KCNK10: variants seen among roughly 807,000 people sequenced by gnomAD.
The protein encoded by KCNK10 is potassium channel subfamily K member 10.
A neutral mutation model predicts 47.7 loss-of-function variants in KCNK10; 25 were observed. The ratio of observed to expected loss-of-function variants is 0.52; its 90% confidence interval spans 0.38 to 0.73. KCNK10 has a LOEUF of 0.73. Among genes scored for constraint, KCNK10 ranks in the 30% least tolerant of loss-of-function variants. The pLI is 0.00. For missense variants in KCNK10, 563 were observed against 714.5 expected (o/e 0.79, Z 2.42); for synonymous variants, 303 against 285.6 (o/e 1.06, Z -0.61).
At chr14:88,291,108 CA>C (rs1887866615) in intron 1 of KCNK10, among the ~76,000 whole-genome samples, 1 of 152,180 alleles carries the variant, frequency 6.6e-6, no homozygotes. Flanking sequence ...ATGAAGAAGC[CA>C]AACACTGCAG....
chr14:88,326,397 T>G (rs1354813154), upstream of KCNK10: 1 of 1,609,306 alleles, frequency 6.2e-7, no homozygotes, highest in East Asian at 2.2e-5. Context: ...CTTTGGTTAT[T>G]TACAAGCTGG....
intron 1 of KCNK10, among the ~76,000 whole-genome samples, chr14:88,290,179 C>A (rs537493311): frequency 2.6e-5 from 4 of 152,090 alleles, no homozygotes; most frequent in African/African-American, 7.2e-5. Context: ...CTGGGTGGGT[C>A]CAGTGTAATC....
intron 3 of KCNK10, among the ~76,000 whole-genome samples, chr14:88,237,688 T>C (rs1278716363): frequency 6.6e-6 from 1 of 152,212 alleles, no homozygotes; most frequent in African/African-American, 2.4e-5. Flanking sequence ...AACAGAACTA[T>C]TTTGAAAGGA....
intron 1 of KCNK10, among the ~76,000 whole-genome samples, chr14:88,266,099 T>A (rs1212435631): frequency 6.6e-6 from 1 of 152,196 alleles, no homozygotes; most frequent in African/African-American, 2.4e-5. Context: ...GCAGGCACCC[T>A]GTCTACCCCT....
chr14:88,187,934 A>C, intron 6 of KCNK10, 33 bp downstream of exon 6: 1 of 1,612,628 alleles, frequency 6.2e-7, no homozygotes, highest in Non-Finnish European at 8.5e-7. Context: ...ATCTGTTCTC[A>C]GGAACATTCA....
chr14:88,227,262 T>G, intron 4 of KCNK10, 113 bp downstream of exon 4: 3 of 881,966 alleles, frequency 3.4e-6, no homozygotes, highest in Non-Finnish European at 5.0e-6. Flanking sequence ...ATCATAACAT[T>G]AAAATTATTC....
chr14:88,235,632 T>G (rs1190247908), intron 3 of KCNK10, among the ~76,000 whole-genome samples: 1 of 152,034 alleles, frequency 6.6e-6, no homozygotes, highest in Non-Finnish European at 1.5e-5. Context: ...ACAGGCATTG[T>G]GGAAAACATA....
At chr14:88,309,673 C>T (rs1344131072) in intron 1 of KCNK10, among the ~76,000 whole-genome samples, 3 of 152,144 alleles carry the variant, frequency 2.0e-5, no homozygotes, top group African/African-American at 7.2e-5. Flanking sequence ...ATAAGCATCA[C>T]TGTTGAATAA....
intron 3 of KCNK10, among the ~76,000 whole-genome samples, chr14:88,229,398 T>A (rs1035701899): frequency 2.0e-5 from 3 of 152,040 alleles, no homozygotes; most frequent in Non-Finnish European, 4.4e-5. Flanking sequence ...CATCTGCAAA[T>A]CCTAGTGTCA....
intron 4 of KCNK10, among the ~76,000 whole-genome samples, chr14:88,203,103 T>G (rs1215823989): frequency 1.3e-5 from 2 of 152,102 alleles, no homozygotes; most frequent in African/African-American, 2.4e-5. Flanking sequence ...TGGAAGCCAT[T>G]CCAGGGATGG....
intron 4 of KCNK10, among the ~76,000 whole-genome samples, chr14:88,210,420 AG>A (rs1885416930): frequency 6.6e-6 from 1 of 152,296 alleles, no homozygotes; most frequent in South Asian, 2.1e-4. Flanking sequence ...TTGTTTATCA[AG>A]TTGACCTAGC....
intron 1 of KCNK10, among the ~76,000 whole-genome samples, chr14:88,290,922 T>A (rs1887861752): frequency 6.6e-6 from 1 of 152,160 alleles, no homozygotes; most frequent in South Asian, 2.1e-4. Context: ...CAGAAGCTTC[T>A]AGGTCAGCGT....
chr14:88,240,657 T>C, intron 3 of KCNK10, 46 bp downstream of exon 3: 2 of 1,275,420 alleles, frequency 1.6e-6, no homozygotes, highest in Non-Finnish European at 2.3e-6. Flanking sequence ...GCGCCCTTAC[T>C]CAAGATGACC....
intron 2 of KCNK10, among the ~76,000 whole-genome samples, chr14:88,259,147 G>A (rs1272690715): frequency 2.0e-5 from 3 of 152,124 alleles, no homozygotes; most frequent in Non-Finnish European, 4.4e-5. Context: ...TCTTGTGATC[G>A]CTACATACAG....
intron 2 of KCNK10, among the ~76,000 whole-genome samples, chr14:88,250,143 A>G (rs1351861689): frequency 1.3e-5 from 2 of 152,060 alleles, no homozygotes; most frequent in African/African-American, 2.4e-5. Context: ...TTGAATTCTC[A>G]TTTGCAAATT....
In KCNK10 at chr14:88,229,814, T is replaced by G. The variant is rs531185402; in HGVS notation, c.521-2279A>C. Among the ~76,000 whole-genome samples, 6 of 152,294 alleles carry G rather than the reference T, an allele frequency of 3.9e-5. No individual in the cohort carries two copies. The East Asian group carries it at 1.2e-3, about 29-fold the overall frequency. ...CAGCACTTACACTTTGGAGCTTTGC[T>G]CTGAGGCAATGGGAAGACCACATTT... On this transcript the variant is annotated intron_variant, in intron 3 of 6. Transcript: ENST00000319231.
chr14:88,224,348 C>T (rs897657349), intron 4 of KCNK10, among the ~76,000 whole-genome samples: 1 of 152,184 alleles, frequency 6.6e-6, no homozygotes. Context: ...AGCAATAAAG[C>T]TGGCAATTTG....
chr14:88,198,434 G>T (rs1884992094), intron 4 of KCNK10, among the ~76,000 whole-genome samples: 1 of 152,160 alleles, frequency 6.6e-6, no homozygotes, highest in South Asian at 2.1e-4. Context: ...TCAGCAGCAT[G>T]ATGAACAATG....
chr14:88,278,179 C>A (rs1181379443), intron 1 of KCNK10, among the ~76,000 whole-genome samples: 2 of 152,064 alleles, frequency 1.3e-5, no homozygotes, highest in African/African-American at 2.4e-5. Flanking sequence ...AGAGAAGGCA[C>A]CCAAAATCTC....
Sources: allele counts gnomAD v4.1 joint callset (sites outside exome capture counted in the v4.1 genomes callset), GRCh38; gene constraint gnomAD v4.1.1; transcripts MANE v1.5; gene names NCBI Gene and HGNC (gene_info 2026-07-23, HGNC 2026-07-21).